LETM1: variants seen among roughly 807,000 people sequenced by gnomAD.
LETM1 encodes the protein mitochondrial proton/calcium exchanger protein.
A neutral mutation model predicts 74.5 loss-of-function variants in LETM1; 50 were observed. That is an observed-to-expected ratio of 0.67 (90% CI 0.53 to 0.85). The LOEUF is 0.85. Ranked by LOEUF, LETM1 falls within the 40% of genes least tolerant of loss-of-function variation. LETM1 has a pLI of 0.00. For synonymous variants in LETM1, 446 were observed against 407.1 expected (o/e 1.10, Z -1.15); for missense variants, 824 against 967.8 (o/e 0.85, Z 1.97).
chr4:1,826,472 C>T (rs1711990800), intron 6 of LETM1, among the ~76,000 whole-genome samples: 1 of 152,260 alleles, frequency 6.6e-6, no homozygotes, highest in Admixed American at 6.5e-5. Context: ...GCACATGCCA[C>T]CCACCCAGTC....
At chr4:1,855,299 G>A (rs1713199726) in intron 1 of LETM1, among the ~76,000 whole-genome samples, 1 of 152,246 alleles carries the variant, frequency 6.6e-6, no homozygotes, top group Non-Finnish European at 1.5e-5. Context: ...CAGCACCTGA[G>A]GCTAGGGGGG....
At chr4:1,823,550 G>T in intron 8 of LETM1, 94 bp downstream of exon 8, 1 of 1,515,242 alleles carries the variant, frequency 6.6e-7, no homozygotes, top group Non-Finnish European at 9.1e-7. Context: ...GCCCATGGTT[G>T]AGGAATGAGT....
chr4:1,850,203 C>T (rs1467202716), intron 1 of LETM1, among the ~76,000 whole-genome samples: 1 of 152,052 alleles, frequency 6.6e-6, no homozygotes, highest in Non-Finnish European at 1.5e-5. Flanking sequence ...TTGTAGAAAC[C>T]TCTGTAAGTT....
At chr4:1,842,016 G>T (rs188690974) in intron 2 of LETM1, among the ~76,000 whole-genome samples, 1 of 152,142 alleles carries the variant, frequency 6.6e-6, no homozygotes, top group Non-Finnish European at 1.5e-5. Flanking sequence ...CCCACACCAC[G>T]TCGGACAGGA....
At chr4:1,823,563 G>A (rs182687706) in intron 8 of LETM1, 81 bp downstream of exon 8, 157 of 1,560,646 alleles carry the variant, frequency 1.0e-4, no homozygotes, top group East Asian at 3.1e-4. Context: ...GAATGAGTGC[G>A]CTTGCACACC....
Position 1,816,719 on chromosome 4 carries a change from C to T in LETM1, c.1931+8G>A. ...CGATCCCTCTCCCGCGCCCACCACC[C>T]CACTCACCCCGTGGGCATGCCGTTG... On this transcript the variant is annotated splice_region_variant and intron_variant, in intron 12 of 13. Coordinates refer to ENST00000302787, the MANE Select transcript of LETM1 (RefSeq NM_012318.3). 2 of 1,612,132 alleles carry T rather than the reference C, an allele frequency of 1.2e-6. No homozygotes were observed. Among genetic ancestry groups the T allele is most frequent in the South Asian group, 2.2e-5 (2 of 91,036 alleles).
intron 3 of LETM1, among the ~76,000 whole-genome samples, chr4:1,840,827 G>A (rs1712664568): frequency 6.6e-6 from 1 of 152,146 alleles, no homozygotes; most frequent in African/African-American, 2.4e-5. Context: ...CCCTCACCCT[G>A]TGGGATCTGA....
intron 5 of LETM1, chr4:1,833,164 T>C (rs1481075558): frequency 2.2e-5 from 12 of 553,910 alleles, no homozygotes; most frequent in African/African-American, 7.6e-5. Flanking sequence ...CTCCACCTCC[T>C]GGGTTCAAGG....
chr4:1,815,616 C>A (rs778993898), intron 13 of LETM1, 48 bp downstream of exon 13: 4 of 1,607,444 alleles, frequency 2.5e-6, no homozygotes, highest in Non-Finnish European at 3.4e-6. Flanking sequence ...CCCCACCCCA[C>A]TCCAGAGCAG....
At position 1,835,501 on chromosome 4, in the gene LETM1, G is replaced by C. The variant is rs73799011; in HGVS notation, c.739-519C>G. Among the ~76,000 whole-genome samples the C allele has an allele frequency of 7.1e-3, 1,077 of 152,138 alleles. 12 individuals are homozygous for C. Among genetic ancestry groups the C allele is most frequent in the African/African-American group, 0.025 (1,033 of 41,462 alleles). On this transcript the variant is annotated intron_variant, in intron 4 of 13. Coordinates refer to ENST00000302787, the MANE Select transcript of LETM1 (RefSeq NM_012318.3). The stretch of plus-strand genomic sequence containing the variant: ...CAAACAAACAAAAACAAACAAACTC[G>C]TGTGATTCCCTAAAGCAAGGATCGG...
chr4:1,845,200 C>G (rs1210778090), intron 2 of LETM1, among the ~76,000 whole-genome samples: 1 of 152,082 alleles, frequency 6.6e-6, no homozygotes, highest in Non-Finnish European at 1.5e-5. Context: ...CCGCACCCCC[C>G]GAAAAAAATG....
chr4:1,846,299 A>C (rs938931097), intron 2 of LETM1, among the ~76,000 whole-genome samples: 7 of 151,566 alleles, frequency 4.6e-5, no homozygotes, highest in African/African-American at 1.7e-4. Flanking sequence ...TTTTGTTGTT[A>C]GCCCAGGCTG....
chr4:1,824,754 T>C (rs1242235717), intron 7 of LETM1, among the ~76,000 whole-genome samples: 2 of 152,188 alleles, frequency 1.3e-5, no homozygotes, highest in African/African-American at 4.8e-5. Flanking sequence ...GTGTGGCCCA[T>C]ATCCCCACGG....
At chr4:1,855,773 C>T (rs2108860406) in intron 1 of LETM1, 96 bp downstream of exon 1, 2 of 741,522 alleles carry the variant, frequency 2.7e-6, no homozygotes, top group Non-Finnish European at 3.6e-6. Context: ...CCGGGCTCCC[C>T]GCATCGCCGT....
At chr4:1,843,741 G>A (rs979627205) in intron 2 of LETM1, among the ~76,000 whole-genome samples, 2 of 152,154 alleles carry the variant, frequency 1.3e-5, no homozygotes, top group African/African-American at 2.4e-5. Context: ...CTCTCCAGGC[G>A]CTGGCCCAGC....
chr4:1,813,974 G>C lies in LETM1; in HGVS notation c.*450C>G, dbSNP rs1354290405. On this transcript the variant is annotated 3_prime_UTR_variant, in exon 14 of 14. Transcript: ENST00000302787. ...AGAAATCAAGGTCCACAGGCGAATG[G>C]AGGCATCTTCAGCCCTGAGGAGGCC... 2 of 189,386 alleles carry C rather than the reference G, an allele frequency of 1.1e-5. No homozygotes were observed. Among genetic ancestry groups the C allele is most frequent in the Non-Finnish European group, 2.2e-5 (2 of 89,090 alleles). The allele number at this position is 189,386 out of a possible 1,614,324, so 11.7% of individuals were successfully genotyped here.
At chr4:1,849,645 C>A (rs998938298) in intron 1 of LETM1, among the ~76,000 whole-genome samples, 1 of 152,232 alleles carries the variant, frequency 6.6e-6, no homozygotes. Flanking sequence ...CAGCCTTGAA[C>A]TCCTGGGCTC....
rs1712402973 is a variant in LETM1 at position 1,834,737 on chromosome 4, C to T, written c.876+108G>A. The T allele has an allele frequency of 1.3e-6, 2 of 1,531,848 alleles. No homozygotes were observed. The highest frequency in any genetic ancestry group is 4.0e-5 in the Admixed American group (2 of 50,308). The allele number at this position is 1,531,848 out of a possible 1,614,324, so 94.9% of individuals were successfully genotyped here. A position where few individuals can be genotyped will look rare whatever the true frequency, so the allele number is the denominator to read the frequency against. ...GCCTCCTGGGTAAACTTTCAAGCGC[C>T]AGCCAGCACCTGGGGGAGCTCCACT... On this transcript the variant is annotated intron_variant, in intron 5 of 13. Transcript: ENST00000302787. The surrounding 1 kb of genome is among the most constrained non-coding windows in gnomAD (Gnocchi z 5.0).
At chr4:1,852,180 AG>A (rs948373701) in intron 1 of LETM1, among the ~76,000 whole-genome samples, 3 of 152,354 alleles carry the variant, frequency 2.0e-5, no homozygotes, top group African/African-American at 7.2e-5. Flanking sequence ...CCATGTGCCC[AG>A]GCTTACCCAA....
Sources: allele counts gnomAD v4.1 joint callset (sites outside exome capture counted in the v4.1 genomes callset), GRCh38; gene constraint gnomAD v4.1.1; non-coding constraint Gnocchi (gnomAD v3.1); transcripts MANE v1.5; gene names NCBI Gene and HGNC (gene_info 2026-07-23, HGNC 2026-07-21).